MASTL: variants seen among roughly 807,000 people sequenced by gnomAD.
MASTL encodes the protein serine/threonine-protein kinase greatwall.
In MASTL, 54 loss-of-function variants were observed where a neutral mutation model predicts 82.5. That is an observed-to-expected ratio of 0.65 (90% confidence interval 0.53 to 0.82). The LOEUF (loss-of-function observed/expected upper bound fraction) is 0.82. Among genes scored for constraint, MASTL ranks in the 40% least tolerant of loss-of-function variants. The pLI, the probability that MASTL is intolerant of heterozygous loss-of-function variation, is 0.00. For missense variants in MASTL, 950 were observed against 1,047.8 expected (o/e 0.91, Z 1.29); for synonymous variants, 323 against 368.9 (o/e 0.88, Z 1.43).
chr10:27,186,043 C>T (rs899900097), intron 11 of MASTL, among the ~76,000 whole-genome samples: 4 of 152,096 alleles, frequency 2.6e-5, no homozygotes, highest in Admixed American at 6.6e-5. Context: ...GAGCAGAGAT[C>T]GCGCCACTGC....
Position 27,170,753 on chromosome 10 carries a change from T to C in MASTL, c.1794T>C (p.Ser598=). 1 of 1,614,004 alleles carries C rather than the reference T, an allele frequency of 6.2e-7. No homozygotes were observed. Among genetic ancestry groups the C allele is most frequent in the Non-Finnish European group, 8.5e-7 (1 of 1,179,922 alleles). ...LDSDRSIKES[S]FEESNIEDPL... is the part of the protein sequence containing the mutation. The stretch of plus-strand genomic sequence containing the variant: ...CAGATAGAAGCATCAAAGAATCCTC[T>C]TTTGAAGAATCAAATATTGAAGATC... The change falls in exon 8 of 12, where the codon TCT becomes TCC. Residue 598 remains serine (S), a synonymous_variant. Transcript: ENST00000375940.
chr10:27,181,247 C>T (rs938949181), intron 10 of MASTL, among the ~76,000 whole-genome samples, 181 bp downstream of exon 10: 2 of 152,080 alleles, frequency 1.3e-5, no homozygotes, highest in East Asian at 3.9e-4. Context: ...AAAAATTAGC[C>T]AGGCATGTTG....
Position 27,158,699 on chromosome 10 carries a change from T to A in MASTL, c.324+13T>A, listed in dbSNP as rs777380495. ...CAATGTCTACTTGGTGAGTAAATAA[T>A]TTTTATGTTGTTTCTTTATCCATTA... On this transcript the variant is annotated intron_variant, in intron 2 of 11. Transcript: ENST00000375940. The A allele has an allele frequency of 6.2e-6, 10 of 1,612,708 alleles. No homozygotes were observed. In the Admixed American group the frequency reaches 1.7e-4, roughly 27 times the overall value.
intron 6 of MASTL, 94 bp from the exon 7 acceptor site, chr10:27,167,002 GTAATTC>G: frequency 2.3e-6 from 2 of 868,424 alleles, no homozygotes; most frequent in Non-Finnish European, 3.7e-6. Context: ...ATATTAATAT[GTAATTC>G]TTGATACTTT....
rs1269342579 is a variant in MASTL, at chr10:27,165,160, C to T, written c.650C>T (p.Ser217Leu). Residue 217 changes from serine (S) to leucine (L), a missense_variant, in exon 5 of 12, where the codon TCG (serine) becomes TTG (leucine). Ser to Leu is a moderately radical substitution (Grantham distance 145). Coordinates refer to ENST00000375940, the MANE Select transcript of MASTL (RefSeq NM_001172303.3). ...GGACAAGTGTTATCGCTTATCAGCT[C>T]GTTGGGATTTGTAAGTACTTGAGAA... is the stretch of plus-strand genomic sequence containing the variant. ...TPGQVLSLIS[S>L]LGFNTPIAEK... is the part of the protein sequence containing the mutation. 23 of 1,610,694 alleles carry T rather than the reference C, an allele frequency of 1.4e-5. No homozygotes were observed. Among genetic ancestry groups the T allele is most frequent in the Non-Finnish European group, 1.6e-5 (19 of 1,177,038 alleles).
Position 27,169,937 on chromosome 10 carries a change from C to T in MASTL, c.985-7C>T, listed in dbSNP as rs377728904. 188 of 1,613,322 alleles carry T rather than the reference C, an allele frequency of 1.2e-4. 2 individuals carry two copies. In the South Asian group the frequency reaches 1.6e-3, roughly 14 times the overall value. On this transcript the variant is annotated splice_region_variant and splice_polypyrimidine_tract_variant and intron_variant, in intron 7 of 11. Transcript: ENST00000375940. ...ATAACTAAAACAAATATTTTTTTCC[C>T]TCTTAGGAAAGTGATGAAGCATTGG...
Position 27,173,350 on chromosome 10 carries a change from C to A in MASTL, c.2266+91C>A. The A allele has an allele frequency of 4.2e-6, 6 of 1,424,854 alleles. No homozygotes were observed. The South Asian group carries it at 5.8e-5, about 14-fold the overall frequency. 88.3% of individuals were successfully genotyped at this position (1,424,854 alleles called of 1,614,324 possible). A position where few individuals can be genotyped will look rare whatever the true frequency, so the allele number is the denominator to read the frequency against. On this transcript the variant is annotated intron_variant, in intron 9 of 11. Transcript: ENST00000375940. The stretch of plus-strand genomic sequence containing the variant: ...TTTTAAAAAATTTCTTCAGTACTTA[C>A]GTTACCTAAAGTAAAAGAAAATGAA...
intron 4 of MASTL, among the ~76,000 whole-genome samples, chr10:27,163,163 C>T (rs1444313312): frequency 1.3e-5 from 2 of 152,068 alleles, no homozygotes; most frequent in African/African-American, 4.8e-5. Flanking sequence ...GTGGTTCACC[C>T]GCCTCGGCCT....
intron 9 of MASTL, among the ~76,000 whole-genome samples, chr10:27,174,807 A>G (rs533861057): frequency 3.3e-5 from 5 of 152,122 alleles, no homozygotes; most frequent in Non-Finnish European, 7.4e-5. Flanking sequence ...TCTTAACCTA[A>G]TTAATCATAG....
At chr10:27,175,187 A>ATTTG (rs1459172847) in intron 9 of MASTL, among the ~76,000 whole-genome samples, 1 of 150,876 alleles carries the variant, frequency 6.6e-6, no homozygotes, top group Non-Finnish European at 1.5e-5. Flanking sequence ...TTATTTATTT[A>ATTTG]TTTATTTATT....
rs1179292671 is a variant in MASTL, at chr10:27,160,187, T to C, written c.464+429T>C. On this transcript the variant is annotated intron_variant, in intron 3 of 11. Transcript: ENST00000375940. ...TTTTTTTTTTTTTTTTTTTTTTTTTTTGTAGAGACAAGGTTCCCAGGCTGC... is the reference window on the plus strand; with the variant it reads ...TTTTTTTTTTTTTTTTTTTTTTTTTCTGTAGAGACAAGGTTCCCAGGCTGC... Among the ~76,000 whole-genome samples the C allele has an allele frequency of 4.2e-5, 5 of 118,644 alleles. No individual in the cohort carries two copies. In the East Asian group the frequency reaches 8.1e-4, roughly 19 times the overall value. The allele number at this position is 118,644 out of a possible 152,430, so 77.8% of individuals were successfully genotyped here.
chr10:27,157,008 G>C (rs563384902), intron 1 of MASTL, among the ~76,000 whole-genome samples: 2 of 151,378 alleles, frequency 1.3e-5, no homozygotes, highest in South Asian at 2.1e-4. Flanking sequence ...TCACCATTTT[G>C]GGCAGGCTGG....
At chr10:27,165,914 A>T (rs1476077535) in intron 6 of MASTL, among the ~76,000 whole-genome samples, 4 of 151,764 alleles carry the variant, frequency 2.6e-5, no homozygotes, top group Non-Finnish European at 4.4e-5. Context: ...AAAACAAAAA[A>T]TGCCCCAAAA....
At chr10:27,155,935 C>T (rs1012759048) in intron 1 of MASTL, among the ~76,000 whole-genome samples, 2 of 152,224 alleles carry the variant, frequency 1.3e-5, no homozygotes, top group Admixed American at 6.5e-5. Context: ...GTGATTACAT[C>T]GGTCTTAGTA....
chr10:27,171,951 CCTG>C (rs2057960890), intron 8 of MASTL, among the ~76,000 whole-genome samples: 3 of 150,644 alleles, frequency 2.0e-5, no homozygotes, highest in African/African-American at 7.4e-5. Context: ...GCTTCAGCCT[CCTG>C]AGTAGCTAGG....
chr10:27,181,052 A>G lies in MASTL; in HGVS notation c.2366A>G (p.Asn789Ser), dbSNP rs1260013660. The change falls in exon 10 of 12, where the codon AAT becomes AGT. Residue 789 changes from asparagine to serine, a missense_variant. Physicochemically the swap from Asn to Ser is conservative, Grantham distance 46. Transcript: ENST00000375940. ...NDETPQQVFQ[N>S]ILKRDIPWPE... The stretch of plus-strand genomic sequence containing the variant: ...GAAACACCACAACAAGTATTCCAGA[A>G]TATTCTGAAAAGAGGTGATTCTTTT... 6.9e-6 allele frequency: 11 copies of G among 1,596,422 alleles called. No individual in the cohort carries two copies. In the African/African-American group the frequency reaches 1.1e-4, roughly 16 times the overall value.
chr10:27,182,818 T>C (rs2058401656), intron 11 of MASTL, among the ~76,000 whole-genome samples: 1 of 151,562 alleles, frequency 6.6e-6, no homozygotes, highest in African/African-American at 2.4e-5. Flanking sequence ...TTATTATTGC[T>C]ATTTATTTAT....
intron 9 of MASTL, among the ~76,000 whole-genome samples, chr10:27,174,041 C>T (rs1402667648): frequency 6.6e-6 from 1 of 151,950 alleles, no homozygotes; most frequent in Non-Finnish European, 1.5e-5. Flanking sequence ...AACCATCATC[C>T]TTCAAAACAG....
chr10:27,168,127 TTATTCTCAGCAATAGAATTTTATTATTA>T (rs1426364460), intron 7 of MASTL, among the ~76,000 whole-genome samples: 1 of 152,210 alleles, frequency 6.6e-6, no homozygotes, highest in Admixed American at 6.5e-5. Context: ...TATTTGCTGC[TTATTCTCAGCAATAGAATTTTATTATTA>T]TTGGATATTT....
Sources: allele counts gnomAD v4.1 joint callset (sites outside exome capture counted in the v4.1 genomes callset), GRCh38; gene constraint gnomAD v4.1.1; transcripts MANE v1.5; gene names NCBI Gene and HGNC (gene_info 2026-07-23, HGNC 2026-07-21).